The following AGO4 variants were observed in gnomAD, a reference collection of about 807,000 sequenced individuals.
AGO4 encodes protein argonaute-4.
In AGO4, 33 loss-of-function variants were observed where a neutral mutation model predicts 104.7. That is an observed-to-expected ratio of 0.32 (90% CI 0.24 to 0.42). AGO4 has a LOEUF of 0.42. AGO4 is among the 10% of genes least tolerant of loss of function. AGO4 has a pLI of 1.00. For synonymous variants in AGO4, 331 were observed against 364.7 expected, an observed-to-expected ratio of 0.91 and a Z score of 1.05; for missense variants, 711 against 1,083.4, an observed-to-expected ratio of 0.66 and a Z score of 4.83.
chr1:35,821,501 T>C (rs1214891087), intron 2 of AGO4, among the ~76,000 whole-genome samples: 1 of 152,210 alleles, frequency 6.6e-6, no homozygotes, highest in Admixed American at 6.5e-5. Flanking sequence ...TCTGTCCATA[T>C]CTTAAACTCT....
chr1:35,822,066 G>T (rs563910746), intron 2 of AGO4, among the ~76,000 whole-genome samples: 1 of 151,966 alleles, frequency 6.6e-6, no homozygotes, highest in Non-Finnish European at 1.5e-5. Context: ...TTTTAGTTGA[G>T]ACTGGGTTTC....
chr1:35,812,592 AT>A (rs945654041), intron 1 of AGO4, among the ~76,000 whole-genome samples: 1 of 151,102 alleles, frequency 6.6e-6, no homozygotes, highest in Non-Finnish European at 1.5e-5. Flanking sequence ...TTCTTACAAC[AT>A]TTTTTTTCTT....
rs1334285931 is a variant in AGO4 at position 35,855,909 on chromosome 1, C to T, written c.*2304C>T. 3 of 152,280 alleles carry T rather than the reference C, an allele frequency of 2.0e-5. No homozygotes were observed. Among genetic ancestry groups the T allele is most frequent in the Admixed American group, 2.0e-4 (3 of 15,290 alleles). 9.4% of individuals were successfully genotyped at this position (152,280 alleles called of 1,614,324 possible). A position where few individuals can be genotyped will look rare whatever the true frequency, so the allele number is the denominator to read the frequency against. ...GGCTGGCCAGCGGGCACCACACCTG[C>T]ACTTGAGTGCCTCGGGCTTGCTTAT... On this transcript the variant is annotated 3_prime_UTR_variant, in exon 18 of 18. Coordinates refer to ENST00000373210, the MANE Select transcript of AGO4 (RefSeq NM_017629.4).
intron 15 of AGO4, among the ~76,000 whole-genome samples, chr1:35,843,833 T>A (rs1363202233): frequency 6.6e-6 from 1 of 152,208 alleles, no homozygotes; most frequent in Non-Finnish European, 1.5e-5. Flanking sequence ...CTTGTCTTCC[T>A]AAACTATCTA....
At position 35,834,123 on chromosome 1, in the gene AGO4, G is replaced by A. The variant is rs1188017984; in HGVS notation, c.1513G>A (p.Val505Met). Residue 505 changes from valine (V) to methionine (M), a missense_variant, in exon 12 of 18, where the codon GTG (valine) becomes ATG (methionine). By Grantham distance (21) the Val-to-Met change is conservative. Coordinates refer to ENST00000373210, the MANE Select transcript of AGO4 (RefSeq NM_017629.4). Reference protein sequence around the residue: ...PMFKHLKMTYVGLQLIVVILP... With the variant: ...PMFKHLKMTYMGLQLIVVILP... The stretch of plus-strand genomic sequence containing the variant: ...GTTTAAACATCTGAAAATGACTTAT[G>A]TGGGCCTACAGCTAATAGTGGTTAT... The A allele has an allele frequency of 3.1e-6, 5 of 1,610,564 alleles. No individual in the cohort carries two copies. The highest frequency in any genetic ancestry group is 4.2e-6 in the Non-Finnish European group (5 of 1,178,656).
chr1:35,841,730 T>C lies in AGO4; in HGVS notation c.2155T>C (p.Cys719Arg), dbSNP rs1342687083. The change falls in exon 15 of 18, where the codon TGT becomes CGT. Residue 719 changes from cysteine to arginine, a missense_variant. This residue lies in a region of AGO4 where 401 missense variants were observed against 665.5 expected (regional missense o/e 0.60). Coordinates refer to ENST00000373210, the MANE Select transcript of AGO4 (RefSeq NM_017629.4). This position sits in a 1 kb window ranked among gnomAD's most constrained non-coding sequence, Gnocchi z 4.7. Reference protein sequence around the residue: ...VQKRHHTRLFCADKTERVGKS... With the variant: ...VQKRHHTRLFRADKTERVGKS... ...AAAAAGACATCACACACGACTCTTC[T>C]GTGCAGATAAAACAGAAAGGGTAAG... The C allele has an allele frequency of 6.2e-7, 1 of 1,613,880 alleles. No homozygotes were observed. Among genetic ancestry groups the C allele is most frequent in the Non-Finnish European group, 8.5e-7 (1 of 1,179,968 alleles).
rs2148695142 is a variant in AGO4, at chr1:35,855,713, G to A, written c.*2108G>A. ...ATAATACAAATCAGGACATGTTGGTGAGGGGCTGGCTGCTTGGCTGCTGCT... is the reference window on the plus strand; with the variant it reads ...ATAATACAAATCAGGACATGTTGGTAAGGGGCTGGCTGCTTGGCTGCTGCT... On this transcript the variant is annotated 3_prime_UTR_variant, in exon 18 of 18. Coordinates refer to ENST00000373210, the MANE Select transcript of AGO4 (RefSeq NM_017629.4). 6.8e-6 allele frequency: 1 copy of A among 147,854 alleles called. No individual in the cohort carries two copies. The highest frequency in any genetic ancestry group is 1.5e-5 in the Non-Finnish European group (1 of 67,510). 9.2% of individuals were successfully genotyped at this position (147,854 alleles called of 1,614,324 possible).
chr1:35,832,512 A>G lies in AGO4; in HGVS notation c.1321A>G (p.Lys441Glu). 6.2e-7 allele frequency: 1 copy of G among 1,613,850 alleles called. No homozygotes were observed. The highest frequency in any genetic ancestry group is 8.5e-7 in the Non-Finnish European group (1 of 1,179,978). Residue 441 changes from lysine (K) to glutamate (E), a missense_variant, in exon 11 of 18, where the codon AAA becomes GAA. By Grantham distance (56) the Lys-to-Glu change is moderately conservative (BLOSUM62 1). Around this residue, in one of 3 missense-constraint regions of AGO4, gnomAD observed 401 missense variants for 665.5 expected, o/e 0.60. Coordinates refer to ENST00000373210, the MANE Select transcript of AGO4 (RefSeq NM_017629.4). ...GCAGTTTTATGCTGGCATTGAAATT[A>G]AAGTTTGGGCAGTTGCTTGTTTTGC... Reference protein sequence around the residue: ...GKQFYAGIEIKVWAVACFAPQ... With the variant: ...GKQFYAGIEIEVWAVACFAPQ...
chr1:35,808,280 C>T lies in AGO4; in HGVS notation c.-137C>T. The T allele has an allele frequency of 5.7e-6, 2 of 349,200 alleles. No homozygotes were observed. The highest frequency in any genetic ancestry group is 8.1e-6 in the Non-Finnish European group (2 of 248,066). The allele number at this position is 349,200 out of a possible 1,614,324, so 21.6% of individuals were successfully genotyped here. ...CCGGGCGCCGCCGCCGCCCCCTGCC[C>T]AGCGCCCGCGTCTCCGCGGCGCCAC... is the stretch of plus-strand genomic sequence containing the variant. On this transcript the variant is annotated 5_prime_UTR_variant, in exon 1 of 18. Coordinates refer to ENST00000373210, the MANE Select transcript of AGO4 (RefSeq NM_017629.4). This position sits in a 1 kb window ranked among gnomAD's most constrained non-coding sequence, Gnocchi z 5.2.
chr1:35,826,686 A>G, intron 6 of AGO4, 62 bp from the exon 7 acceptor site: 1 of 1,341,734 alleles, frequency 7.5e-7, no homozygotes, highest in Non-Finnish European at 1.1e-6. Context: ...ACAACATTTG[A>G]ATCTGTTTTT....
chr1:35,853,025 C>T (rs906503308), intron 17 of AGO4, among the ~76,000 whole-genome samples: 4 of 151,976 alleles, frequency 2.6e-5, no homozygotes, highest in Non-Finnish European at 4.4e-5. Context: ...CCGAGGCAGG[C>T]GGATCACGAG....
chr1:35,839,559 T>C (rs1231136318), intron 13 of AGO4, among the ~76,000 whole-genome samples: 1 of 152,190 alleles, frequency 6.6e-6, no homozygotes, highest in African/African-American at 2.4e-5. Context: ...TTTTAAGGAC[T>C]AAATGAGTTA....
Position 35,856,934 on chromosome 1 carries a change from T to C in AGO4, c.*3329T>C, listed in dbSNP as rs1644830976. On this transcript the variant is annotated 3_prime_UTR_variant, in exon 18 of 18. Transcript: ENST00000373210. ...GTTGAATCCTGAATGGTTTATAAAG[T>C]GAACTAGCTGGCTTAATGCAGCCAG... 3 of 151,784 alleles carry C rather than the reference T, an allele frequency of 2.0e-5. No homozygotes were observed. The South Asian group carries it at 6.2e-4, about 31-fold the overall frequency. The allele number at this position is 151,784 out of a possible 1,614,324, so 9.4% of individuals were successfully genotyped here.
At position 35,854,407 on chromosome 1, in the gene AGO4, T is replaced by C. The variant is rs1644775640; in HGVS notation, c.*802T>C. 6.5e-6 allele frequency: 1 copy of C among 152,676 alleles called. No individual in the cohort carries two copies. The highest frequency in any genetic ancestry group is 2.1e-4 in the South Asian group (1 of 4,836). 9.5% of individuals were successfully genotyped at this position (152,676 alleles called of 1,614,324 possible). On this transcript the variant is annotated 3_prime_UTR_variant, in exon 18 of 18. Transcript: ENST00000373210. ...TTGCTTTTAGTATTTTTCCAAGTTT[T>C]CAAAAGTGCCCATTTTATGCTGCTG...
intron 8 of AGO4, 30 bp from the exon 9 acceptor site, chr1:35,831,782 A>G: frequency 6.2e-7 from 1 of 1,613,666 alleles, no homozygotes; most frequent in Non-Finnish European, 8.5e-7. Context: ...AACCCTTTAC[A>G]CAAACCAATT....
rs952535406 is a variant in AGO4, at chr1:35,855,173, T to G, written c.*1568T>G. On this transcript the variant is annotated 3_prime_UTR_variant, in exon 18 of 18. Transcript: ENST00000373210. ...AATTCTCTATCCAGGACATCAGGAG[T>G]GAGGGATGGAAAAGGGGATAAAAGG... The G allele has an allele frequency of 5.3e-5, 8 of 151,834 alleles. No homozygotes were observed. Among genetic ancestry groups the G allele is most frequent in the Admixed American group, 4.6e-4 (7 of 15,184 alleles). The allele number at this position is 151,834 out of a possible 1,614,324, so 9.4% of individuals were successfully genotyped here. A position where few individuals can be genotyped will look rare whatever the true frequency, so the allele number is the denominator to read the frequency against.
chr1:35,845,114 T>G (rs1312531303), intron 15 of AGO4, among the ~76,000 whole-genome samples: 19 of 5,628 alleles, frequency 3.4e-3, no homozygotes, highest in African/African-American at 8.4e-3. Context: ...GTAATCAGAC[T>G]TTTTTTTTTT....
chr1:35,821,656 A>T (rs192846321), intron 2 of AGO4, among the ~76,000 whole-genome samples: 2 of 152,326 alleles, frequency 1.3e-5, no homozygotes, highest in Admixed American at 1.3e-4. Context: ...CTATATTAAT[A>T]ATCTTTTTGG....
Position 35,831,850 on chromosome 1 carries a change from G to T in AGO4, c.1035G>T (p.Lys345Asn). Residue 345 changes from lysine (K) to asparagine (N), a missense_variant, in exon 9 of 18, where the codon AAG becomes AAT. By Grantham distance (94) the Lys-to-Asn change is moderately conservative. Coordinates refer to ENST00000373210, the MANE Select transcript of AGO4 (RefSeq NM_017629.4). ...NIVAGQRCIKKLTDNQTSTMI... is the reference protein window; with the variant it reads ...NIVAGQRCIKNLTDNQTSTMI... Reference sequence around the variant, plus strand: ...TGGCAGGACAGCGATGTATCAAGAAGCTCACAGACAATCAGACTTCCACAA... The same window carrying T: ...TGGCAGGACAGCGATGTATCAAGAATCTCACAGACAATCAGACTTCCACAA... 4 of 1,614,092 alleles carry T rather than the reference G, an allele frequency of 2.5e-6. No homozygotes were observed. Among genetic ancestry groups the T allele is most frequent in the Non-Finnish European group, 3.4e-6 (4 of 1,180,004 alleles).
Sources: gnomAD v4.1 joint callset for allele counts (sites outside exome capture counted in the v4.1 genomes callset) on GRCh38, gnomAD v4.1.1 for gene constraint, gnomAD v4.1.1 regional missense constraint, Gnocchi (gnomAD v3.1) non-coding constraint, MANE v1.5 for transcripts, NCBI Gene and HGNC (gene_info 2026-07-23, HGNC 2026-07-21) for gene names.